SCAI: variants seen among roughly 807,000 people sequenced by gnomAD.
The protein encoded by SCAI is protein SCAI.
In SCAI, 24 loss-of-function variants were observed where a neutral mutation model predicts 92.2. That is an observed-to-expected ratio of 0.26 (90% CI 0.19 to 0.37). The LOEUF is 0.37. Ranked by LOEUF, SCAI falls within the 10% of genes least tolerant of loss-of-function variation. The pLI, the probability that SCAI is intolerant of heterozygous loss-of-function variation, is 1.00. For synonymous variants in SCAI, 261 were observed against 258.6 expected, an observed-to-expected ratio of 1.01 and a Z score of -0.09; for missense variants, 450 against 736.2, an observed-to-expected ratio of 0.61 and a Z score of 4.50.
At chr9:125,054,854 A>G (rs1833632157) in intron 3 of SCAI, among the ~76,000 whole-genome samples, 1 of 152,202 alleles carries the variant, frequency 6.6e-6, no homozygotes, top group Non-Finnish European at 1.5e-5. Flanking sequence ...CTAGAGAAAC[A>G]GTGACAAACA....
intron 14 of SCAI, among the ~76,000 whole-genome samples, chr9:124,993,530 C>A (rs1264643142): frequency 6.6e-6 from 1 of 152,156 alleles, no homozygotes; most frequent in Non-Finnish European, 1.5e-5. Context: ...GCGGAGGTTG[C>A]AGTGAGCTGA....
At chr9:125,062,878 G>A (rs1031435762) in intron 2 of SCAI, among the ~76,000 whole-genome samples, 5 of 151,770 alleles carry the variant, frequency 3.3e-5, no homozygotes. Context: ...AAATTAGCTG[G>A]GCATGGTGGC....
At chr9:125,030,193 C>T (rs938650027) in intron 3 of SCAI, among the ~76,000 whole-genome samples, 1 of 152,220 alleles carries the variant, frequency 6.6e-6, no homozygotes, top group African/African-American at 2.4e-5. Context: ...ATATACATCC[C>T]TGTCCTTGAA....
At chr9:124,988,588 A>C (rs1832046164) in intron 14 of SCAI, among the ~76,000 whole-genome samples, 1 of 152,140 alleles carries the variant, frequency 6.6e-6, no homozygotes, top group African/African-American at 2.4e-5. Context: ...AAAATAGACA[A>C]ATGAAAAATC....
At chr9:125,073,704 T>C (rs1033677346) in intron 2 of SCAI, among the ~76,000 whole-genome samples, 3 of 151,952 alleles carry the variant, frequency 2.0e-5, no homozygotes, top group Admixed American at 6.6e-5. Flanking sequence ...AAGACACTTA[T>C]ACAAGGTCAG....
In SCAI at chr9:125,029,748, G is replaced by A. The variant is rs1469025459; in HGVS notation, c.231-9C>T. On this transcript the variant is annotated splice_polypyrimidine_tract_variant and intron_variant, in intron 3 of 17. Transcript: ENST00000336505. The stretch of plus-strand genomic sequence containing the variant: ...CATATTGTGGCAAATCTCTGTAATA[G>A]TAAATGAGTATGTATTAATATTAAA... The A allele has an allele frequency of 3.3e-6, 5 of 1,504,424 alleles. No individual in the cohort carries two copies. Among genetic ancestry groups the A allele is most frequent in the Non-Finnish European group, 4.6e-6 (5 of 1,085,302 alleles). 93.2% of individuals were successfully genotyped at this position (1,504,424 alleles called of 1,614,324 possible).
intron 6 of SCAI, among the ~76,000 whole-genome samples, chr9:125,024,378 C>A (rs1004725775): frequency 6.6e-6 from 1 of 151,528 alleles, no homozygotes. Flanking sequence ...CCGGTTCAAG[C>A]GATTCTCATG....
intron 14 of SCAI, among the ~76,000 whole-genome samples, chr9:124,982,679 CAAAAAAA>C (rs35467160): frequency 2.7e-5 from 2 of 74,092 alleles, no homozygotes; most frequent in African/African-American, 1.0e-4. Flanking sequence ...GACTCTGTCT[CAAAAAAA>C]AAAAAAAAAA....
chr9:124,965,246 C>CG (rs993832622), intron 17 of SCAI, among the ~76,000 whole-genome samples: 17 of 151,696 alleles, frequency 1.1e-4, no homozygotes, highest in Admixed American at 5.3e-4. Flanking sequence ...GTGTGTATGT[C>CG]GGGGGGGAAT....
chr9:125,063,384 G>GAA (rs57488794), intron 2 of SCAI, among the ~76,000 whole-genome samples: 10 of 99,634 alleles, frequency 1.0e-4, no homozygotes, highest in East Asian at 8.7e-4. Flanking sequence ...CTCAAAGGAG[G>GAA]AAAAAAAAAA....
rs947259856 is a variant in SCAI at position 125,142,615 on chromosome 9, A to G, written c.98+18T>C. On this transcript the variant is annotated intron_variant, in intron 2 of 17. Coordinates refer to ENST00000336505, the MANE Select transcript of SCAI (RefSeq NM_001144877.3). ...CAAAAAGAAAAACATGAAGCAAAAT[A>G]GGAAGGCACTGCCTTACCTGCTTCT... 3 of 1,608,772 alleles carry G rather than the reference A, an allele frequency of 1.9e-6. No homozygotes were observed. In the African/African-American group the frequency reaches 4.0e-5, roughly 22 times the overall value.
chr9:125,127,922 T>C (rs1466402398), intron 2 of SCAI, among the ~76,000 whole-genome samples: 2 of 151,824 alleles, frequency 1.3e-5, no homozygotes, highest in African/African-American at 4.8e-5. Flanking sequence ...ACAGGGGAAT[T>C]GCTTGAACCC....
Position 125,068,955 on chromosome 9 carries a change from C to T in SCAI, c.99-12948G>A, listed in dbSNP as rs112510786. On this transcript the variant is annotated intron_variant, in intron 2 of 17. Coordinates refer to ENST00000336505, the MANE Select transcript of SCAI (RefSeq NM_001144877.3). ...ATTTGACCAGGCGCGGTGCCTCACGCCTATAATCCCAGCACTTTGAGAGGC... is the reference window on the plus strand; with the variant it reads ...ATTTGACCAGGCGCGGTGCCTCACGTCTATAATCCCAGCACTTTGAGAGGC... Among the ~76,000 whole-genome samples the T allele has an allele frequency of 6.0e-3, 912 of 152,154 alleles. 6 individuals are homozygous for T. The highest frequency in any genetic ancestry group is 0.019 in the African/African-American group (775 of 41,530).
chr9:124,954,045 T>C (rs928666844), intron 17 of SCAI, among the ~76,000 whole-genome samples: 6 of 152,060 alleles, frequency 3.9e-5, no homozygotes, highest in Non-Finnish European at 7.4e-5. Flanking sequence ...GACAGGGTCT[T>C]GCCATGTTGG....
intron 2 of SCAI, among the ~76,000 whole-genome samples, chr9:125,129,208 A>C (rs1001210890): frequency 9.7e-4 from 148 of 152,030 alleles, no homozygotes; most frequent in Non-Finnish European, 8.7e-4. Context: ...TGAGAGGCTG[A>C]GGCGAGCCGA....
intron 2 of SCAI, among the ~76,000 whole-genome samples, chr9:125,137,049 G>A (rs965690250): frequency 7.2e-5 from 11 of 152,140 alleles, no homozygotes; most frequent in Admixed American, 1.3e-4. Flanking sequence ...GAGCCACCGC[G>A]CCCGGCCTAA....
intron 2 of SCAI, among the ~76,000 whole-genome samples, chr9:125,086,732 T>TC (rs1834331663): frequency 6.6e-6 from 1 of 152,166 alleles, no homozygotes; most frequent in Non-Finnish European, 1.5e-5. Flanking sequence ...GTGGCGTGGG[T>TC]AAGAGCACTG....
At chr9:125,014,338 G>C (rs1245117774) in intron 9 of SCAI, among the ~76,000 whole-genome samples, 3 of 152,116 alleles carry the variant, frequency 2.0e-5, no homozygotes, top group African/African-American at 7.2e-5. Context: ...AAAGTCTCAG[G>C]ATACAAAAAT....
intron 2 of SCAI, among the ~76,000 whole-genome samples, chr9:125,067,026 A>G (rs945273817): frequency 1.3e-5 from 2 of 152,162 alleles, no homozygotes; most frequent in Admixed American, 6.6e-5. Context: ...AAATTGCCTC[A>G]TGACACATTT....
Sources: allele counts gnomAD v4.1 joint callset (sites outside exome capture counted in the v4.1 genomes callset), GRCh38; gene constraint gnomAD v4.1.1; transcripts MANE v1.5; gene names NCBI Gene and HGNC (gene_info 2026-07-23, HGNC 2026-07-21).